CASZ1: variants seen among roughly 807,000 people sequenced by gnomAD.
CASZ1 encodes the protein castor zinc finger 1.
A neutral mutation model predicts 135.2 loss-of-function variants in CASZ1; 28 were observed. The observed-to-expected ratio is 0.21, with a 90% CI of 0.15 to 0.28. The LOEUF is 0.28. CASZ1 is among the 10% of genes least tolerant of loss of function. The probability of loss-of-function intolerance (pLI) is 1.00; values close to 1 mark genes in which losing one functional copy is unlikely to be tolerated. For missense variants in CASZ1, 2,161 were observed against 2,453.3 expected (o/e 0.88, Z 2.52); for synonymous variants, 1,068 against 1,073.4 (o/e 0.99, Z 0.10).
chr1:10,639,986 G>A lies in CASZ1; in HGVS notation c.4236C>T (p.Phe1412=), dbSNP rs367680843. 2.4e-5 allele frequency: 39 copies of A among 1,612,576 alleles called. No individual in the cohort carries two copies. Among genetic ancestry groups the A allele is most frequent in the Non-Finnish European group, 3.2e-5 (38 of 1,180,022 alleles). The change falls in exon 21 of 21, where the codon TTC becomes TTT. Residue 1412 remains phenylalanine (F), a synonymous_variant. Transcript: ENST00000377022. The surrounding 1 kb of genome is among the most constrained non-coding windows in gnomAD (Gnocchi z 4.0). ...AGGACGCCGTCTTCCGCCGCTTGCC[G>A]AAGGGCGACATGTCCTCGATGATCC... The part of the protein sequence containing the change: ...RFWIIEDMSP[F]GKRRKTASSR...
intron 1 of CASZ1, among the ~76,000 whole-genome samples, chr1:10,763,150 T>C (rs1406349124): frequency 1.3e-5 from 2 of 152,156 alleles, no homozygotes; most frequent in African/African-American, 2.4e-5. Context: ...GGGCCTTCCA[T>C]AAACTGAGGC....
At chr1:10,715,128 C>T (rs1018113204) in intron 2 of CASZ1, among the ~76,000 whole-genome samples, 20 of 152,232 alleles carry the variant, frequency 1.3e-4, no homozygotes, top group South Asian at 6.2e-4. Context: ...CCCTGGCCTC[C>T]GGTTGGCCCA....
At position 10,648,061 on chromosome 1, in the gene CASZ1, T is replaced by C. The variant is rs1337515418; in HGVS notation, c.3237A>G (p.Lys1079=). ...AAFPASAAET[K]PPMAPSSPPV... ...GAGGGGACGAGGGGGCCATGGGAGG[T>C]TTGGTCTCGGCGGCCGAGGCCGGAA... Residue 1079 remains lysine, a synonymous_variant, in exon 16 of 21, where the codon AAA becomes AAG. Transcript: ENST00000377022. 2.5e-6 allele frequency: 4 copies of C among 1,596,194 alleles called. No homozygotes were observed. Among genetic ancestry groups the C allele is most frequent in the Non-Finnish European group, 2.6e-6 (3 of 1,171,782 alleles).
At chr1:10,668,004 G>A (rs115656266) in intron 4 of CASZ1, among the ~76,000 whole-genome samples, 2,333 of 152,214 alleles carry the variant, frequency 0.015, 65 homozygotes, top group African/African-American at 0.053. Flanking sequence ...TCCAGCTGCC[G>A]CGCTGCCCCA....
chr1:10,732,030 T>C (rs539419480), intron 2 of CASZ1, among the ~76,000 whole-genome samples: 2 of 152,052 alleles, frequency 1.3e-5, no homozygotes, highest in Non-Finnish European at 2.9e-5. Flanking sequence ...TATCCATATA[T>C]ATAATCCATG....
chr1:10,723,608 T>G (rs1482618381), intron 2 of CASZ1, among the ~76,000 whole-genome samples: 1 of 152,190 alleles, frequency 6.6e-6, no homozygotes, highest in Non-Finnish European at 1.5e-5. Flanking sequence ...CACTGGGCAA[T>G]GGGGTCCTGC....
rs1276209643 is a variant in CASZ1 at position 10,701,294 on chromosome 1, C to T, written c.-24+4198G>A. Among the ~76,000 whole-genome samples the T allele has an allele frequency of 1.3e-5, 2 of 152,196 alleles. No individual in the cohort carries two copies. Among genetic ancestry groups the T allele is most frequent in the East Asian group, 3.9e-4 (2 of 5,186 alleles). ...AGCCGGGTTCCCGTGCGCACTCTCC[C>T]TGTCTCGCAGACACTCATATTCTCC... On this transcript the variant is annotated intron_variant, in intron 3 of 20. Transcript: ENST00000377022. The surrounding 1 kb of genome is among the most constrained non-coding windows in gnomAD (Gnocchi z 6.3).
chr1:10,640,301 C>CCG (rs1642158092), intron 20 of CASZ1, among the ~76,000 whole-genome samples: 1 of 152,158 alleles, frequency 6.6e-6, no homozygotes, highest in Admixed American at 6.5e-5. Flanking sequence ...GCCTCTCCCC[C>CCG]GGGGGGTGGC....
chr1:10,649,690 C>A (rs1642496861), intron 13 of CASZ1: 1 of 469,452 alleles, frequency 2.1e-6, no homozygotes, highest in Non-Finnish European at 3.8e-6. Context: ...GCCGCGGGAT[C>A]CATCACTCAA....
chr1:10,682,147 A>G lies in CASZ1; in HGVS notation c.16+11727T>C, dbSNP rs148836119. ...CTACATCCACTTTCAAGTTTGTCTGAAAATGTTATAAACACAACACACAGG... is the reference window on the plus strand; with the variant it reads ...CTACATCCACTTTCAAGTTTGTCTGGAAATGTTATAAACACAACACACAGG... On this transcript the variant is annotated intron_variant, in intron 4 of 20. Transcript: ENST00000377022. Among the ~76,000 whole-genome samples, 774 of 152,314 alleles carry G rather than the reference A, an allele frequency of 5.1e-3. 8 individuals are homozygous for G. The highest frequency in any genetic ancestry group is 0.018 in the African/African-American group (748 of 41,570).
In CASZ1 at chr1:10,756,689, C is replaced by T. The variant is rs140347343; in HGVS notation, c.-77+4012G>A. Among the ~76,000 whole-genome samples the T allele has an allele frequency of 2.1e-3, 326 of 152,266 alleles. 1 individual carries two copies. Among genetic ancestry groups the T allele is most frequent in the Middle Eastern group, 0.01 (3 of 294 alleles). ...AAAGGGAGACTGGCCTTCAGGCGAGCGGGGTACTGGGGCAATTCACACCTT... is the reference window on the plus strand; with the variant it reads ...AAAGGGAGACTGGCCTTCAGGCGAGTGGGGTACTGGGGCAATTCACACCTT... On this transcript the variant is annotated intron_variant, in intron 2 of 20. Coordinates refer to ENST00000377022, the MANE Select transcript of CASZ1 (RefSeq NM_001079843.3). The surrounding 1 kb of genome is among the most constrained non-coding windows in gnomAD (Gnocchi z 5.9).
At chr1:10,771,173 G>A (rs978585790) in intron 1 of CASZ1, among the ~76,000 whole-genome samples, 1 of 152,054 alleles carries the variant, frequency 6.6e-6, no homozygotes, top group Non-Finnish European at 1.5e-5. Context: ...TGGGGGTGCG[G>A]GACAGGGAGC....
chr1:10,788,349 A>G lies in CASZ1; in HGVS notation c.-234+8215T>C, dbSNP rs1438373505. On this transcript the variant is annotated intron_variant, in intron 1 of 20. Coordinates refer to ENST00000377022, the MANE Select transcript of CASZ1 (RefSeq NM_001079843.3). The surrounding 1 kb of genome is among the most constrained non-coding windows in gnomAD (Gnocchi z 4.1). ...AGTGCAGAGGCAGGCAGGTGGGAGTAGTGGTGGGGACCGATCTTGCCTCCT... is the reference window on the plus strand; with the variant it reads ...AGTGCAGAGGCAGGCAGGTGGGAGTGGTGGTGGGGACCGATCTTGCCTCCT... Among the ~76,000 whole-genome samples the G allele has an allele frequency of 6.6e-6, 1 of 152,112 alleles. No homozygotes were observed. The highest frequency in any genetic ancestry group is 1.5e-5 in the Non-Finnish European group (1 of 67,990).
At chr1:10,648,325 T>G (rs567885526) in intron 15 of CASZ1, 186 bp from the exon 16 acceptor site, 248 of 526,964 alleles carry the variant, frequency 4.7e-4, no homozygotes, top group African/African-American at 4.4e-3. Flanking sequence ...CAGCGTCCCC[T>G]GGTTCCGAAC....
chr1:10,713,164 T>G (rs188228232), intron 2 of CASZ1, among the ~76,000 whole-genome samples: 2 of 152,324 alleles, frequency 1.3e-5, no homozygotes, highest in East Asian at 3.9e-4. Flanking sequence ...CGTTCCATTA[T>G]CCTAACGAAT....
At position 10,714,381 on chromosome 1, in the gene CASZ1, C is replaced by T. The variant is rs527534243; in HGVS notation, c.-76-8837G>A. Among the ~76,000 whole-genome samples the T allele has an allele frequency of 1.1e-4, 17 of 152,306 alleles. No homozygotes were observed. In the South Asian group the frequency reaches 3.1e-3, roughly 28 times the overall value. Reference sequence around the variant, plus strand: ...AAGAAAGAAACTTAAGCTCCCTGCCCGAGGCAGCACAGCTAGGATGAGGCA... The same window carrying T: ...AAGAAAGAAACTTAAGCTCCCTGCCTGAGGCAGCACAGCTAGGATGAGGCA... On this transcript the variant is annotated intron_variant, in intron 2 of 20. Transcript: ENST00000377022.
chr1:10,665,502 A>C lies in CASZ1; in HGVS notation c.86T>G (p.Leu29Arg). The C allele has an allele frequency of 6.2e-7, 1 of 1,604,670 alleles. No individual in the cohort carries two copies. The highest frequency in any genetic ancestry group is 1.7e-4 in the Middle Eastern group (1 of 6,050). The stretch of plus-strand genomic sequence containing the variant: ...CTTGGCGCAGATGGCGTTCAGCTTC[A>C]GGCCACCCTTGCGTTTGGGCGCCAT... ...PAMAPKRKGG[L>R]KLNAICAKLS... The change falls in exon 5 of 21, where the codon CTG becomes CGG. Residue 29 changes from leucine (L) to arginine (R), a missense_variant. Around this residue, in one of 7 missense-constraint regions of CASZ1, gnomAD observed 590 missense variants for 609.8 expected, o/e 0.97. Transcript: ENST00000377022.
At chr1:10,687,539 T>C (rs1638633131) in intron 4 of CASZ1, among the ~76,000 whole-genome samples, 1 of 152,222 alleles carries the variant, frequency 6.6e-6, no homozygotes. Flanking sequence ...GCCCTCAGTA[T>C]GGGTGTATCC....
rs1231469357 is a variant in CASZ1, at chr1:10,747,094, G to T, written c.-77+13607C>A. 1.3e-5 allele frequency among the ~76,000 whole-genome samples: 2 copies of T among 152,212 alleles called. No homozygotes were observed. Among genetic ancestry groups the T allele is most frequent in the Non-Finnish European group, 2.9e-5 (2 of 68,044 alleles). On this transcript the variant is annotated intron_variant, in intron 2 of 20. Coordinates refer to ENST00000377022, the MANE Select transcript of CASZ1 (RefSeq NM_001079843.3). This position sits in a 1 kb window ranked among gnomAD's most constrained non-coding sequence, Gnocchi z 4.3. Reference sequence around the variant, plus strand: ...ATGGCATGTGATGGCCACCCAGTTGGCAGTGCCATTCCCCTAACGCAAGGT... The same window carrying T: ...ATGGCATGTGATGGCCACCCAGTTGTCAGTGCCATTCCCCTAACGCAAGGT...
Sources: allele counts gnomAD v4.1 joint callset (sites outside exome capture counted in the v4.1 genomes callset), GRCh38; gene constraint gnomAD v4.1.1; regional missense constraint gnomAD v4.1.1; non-coding constraint Gnocchi (gnomAD v3.1); transcripts MANE v1.5; gene names NCBI Gene and HGNC (gene_info 2026-07-23, HGNC 2026-07-21).